SUMF2: variants seen among roughly 807,000 people sequenced by gnomAD.
SUMF2 encodes inactive C-alpha-formylglycine-generating enzyme 2.
In SUMF2, 45 loss-of-function variants were observed where a neutral mutation model predicts 44.8. The ratio of observed to expected loss-of-function variants is 1.00; its 90% CI spans 0.79 to 1.29. The LOEUF (loss-of-function observed/expected upper bound fraction) is 1.29, where lower values mean the gene tolerates loss of function less well. SUMF2 is among the 50% of genes most tolerant of loss of function. The probability of loss-of-function intolerance (pLI) is 0.00; values close to 1 mark genes in which losing one functional copy is unlikely to be tolerated. For missense variants in SUMF2, 418 were observed against 389.9 expected, an observed-to-expected ratio of 1.07 and a Z score of -0.61; for synonymous variants, 148 against 150.4, an observed-to-expected ratio of 0.98 and a Z score of 0.12.
At chr7:56,065,343 G>T (rs187895845) in intron 1 of SUMF2, among the ~76,000 whole-genome samples, 1 of 152,134 alleles carries the variant, frequency 6.6e-6, no homozygotes, top group Admixed American at 6.6e-5. Context: ...CCATTTGGAA[G>T]TGGGTCCAGA....
At chr7:56,074,287 C>G in intron 4 of SUMF2, 69 bp downstream of exon 4, 1 of 1,466,060 alleles carries the variant, frequency 6.8e-7, no homozygotes, top group East Asian at 2.3e-5. Context: ...CCAGCCTCCT[C>G]TCTACCCCTC....
Position 56,079,598 on chromosome 7 carries a change from C to T in SUMF2, c.892C>T (p.Pro298Ser). Residue 298 changes from proline (P) to serine (S), a missense_variant, in exon 9 of 9, where the codon CCA (proline) becomes TCA (serine). Coordinates refer to ENST00000434526, the MANE Select transcript of SUMF2 (RefSeq NM_015411.4). ...FRCAADAGRPPGEL is the reference protein window; with the variant it reads ...FRCAADAGRPSGEL ...CTGTGCTGCAGACGCAGGCCGGCCG[C>T]CAGGGGAGCTGTAAGCAGCCGGGTG... 1.2e-6 allele frequency: 2 copies of T among 1,614,202 alleles called. No individual in the cohort carries two copies. Among genetic ancestry groups the T allele is most frequent in the Non-Finnish European group, 1.7e-6 (2 of 1,180,034 alleles).
chr7:56,064,731 C>T (rs1794635441), intron 1 of SUMF2, among the ~76,000 whole-genome samples: 1 of 150,486 alleles, frequency 6.6e-6, no homozygotes, highest in African/African-American at 2.4e-5. Flanking sequence ...CAAAAAAACA[C>T]AACTATCCGG....
At chr7:56,078,043 G>A in intron 6 of SUMF2, 59 bp from the exon 7 acceptor site, 1 of 1,455,968 alleles carries the variant, frequency 6.9e-7, no homozygotes, top group Non-Finnish European at 9.5e-7. Flanking sequence ...CTCTGGATAG[G>A]CATGAGGACC....
At chr7:56,086,522 C>G in the SUMF2 span, among the ~76,000 whole-genome samples, 2 of 152,018 alleles carry the variant, frequency 1.3e-5, no homozygotes, top group African/African-American at 4.8e-5. Flanking sequence ...GAGTTTCGCT[C>G]TCGTAGCCCA....
At chr7:56,087,041 T>C in the SUMF2 span, 2 of 1,609,608 alleles carry the variant, frequency 1.2e-6, no homozygotes, top group Non-Finnish European at 1.7e-6. Context: ...TGGAAATGGC[T>C]AGCTTGTCTC....
At chr7:56,087,918 G>T in the SUMF2 span, 1 of 629,338 alleles carries the variant, frequency 1.6e-6, no homozygotes, top group Non-Finnish European at 2.7e-6. Context: ...GGAAATGGTG[G>T]ATGAATAAAT....
chr7:56,068,981 G>A (rs1174837273), intron 2 of SUMF2, among the ~76,000 whole-genome samples: 1 of 151,870 alleles, frequency 6.6e-6, no homozygotes, highest in Non-Finnish European at 1.5e-5. Context: ...CAAAGTGCTG[G>A]GATTACAGGC....
At chr7:56,078,317 G>A in intron 7 of SUMF2, 47 bp from the exon 8 acceptor site, 2 of 1,558,452 alleles carry the variant, frequency 1.3e-6, no homozygotes, top group South Asian at 1.2e-5. Flanking sequence ...GGTAGGCGGG[G>A]TGGTCGGCGG....
Position 56,068,698 on chromosome 7 carries a change from TTC to T in SUMF2, c.224+62_224+63del, listed in dbSNP as rs1247495065. ...CCTCTCTAATCTCATTCTTTTTTCT[TTC>T]TTTTTTTTTTTTTTGTTTTTTGAGA... On this transcript the variant is annotated intron_variant, in intron 2 of 8. Transcript: ENST00000434526. The T allele has an allele frequency of 5.1e-6, 8 of 1,554,738 alleles. No homozygotes were observed. In the Admixed American group the frequency reaches 1.3e-4, roughly 25 times the overall value.
In SUMF2 at chr7:56,079,784, C is replaced by CA. The variant is rs1290840603; in HGVS notation, c.*173dup. 6.4e-7 allele frequency: 1 copy of CA among 1,554,996 alleles called. No homozygotes were observed. The highest frequency in any genetic ancestry group is 2.4e-5 in the East Asian group (1 of 40,990). ...CCTCTCACCAGGGCAGGAGAGGACTCAGCCTCCTGTGTTTTGGAGAAGGGG... is the reference window on the plus strand; with the variant it reads ...CCTCTCACCAGGGCAGGAGAGGACTCAAGCCTCCTGTGTTTTGGAGAAGGGG... On this transcript the variant is annotated 3_prime_UTR_variant, in exon 9 of 9. Coordinates refer to ENST00000434526, the MANE Select transcript of SUMF2 (RefSeq NM_015411.4).
intron 2 of SUMF2, among the ~76,000 whole-genome samples, chr7:56,071,865 A>G (rs1795180481): frequency 6.6e-6 from 1 of 152,000 alleles, no homozygotes; most frequent in Non-Finnish European, 1.5e-5. Context: ...CAATCCCAGC[A>G]CTTTGGGAGG....
downstream of SUMF2, among the ~76,000 whole-genome samples, chr7:56,085,001 C>G (rs1796194251): frequency 6.6e-6 from 1 of 152,196 alleles, no homozygotes; most frequent in Admixed American, 6.5e-5. Flanking sequence ...TCCTCTGTTG[C>G]CCAGGCTGGA....
At chr7:56,078,574 C>T in intron 8 of SUMF2, 66 bp downstream of exon 8, 3 of 1,468,986 alleles carry the variant, frequency 2.0e-6, no homozygotes, top group Non-Finnish European at 2.7e-6. Context: ...AATCCCGGTC[C>T]CAGAGTGTCC....
chr7:56,064,332 G>T lies in SUMF2; in HGVS notation c.21G>T (p.Pro7=). 4 of 1,600,204 alleles carry T rather than the reference G, an allele frequency of 2.5e-6. No homozygotes were observed. The highest frequency in any genetic ancestry group is 3.4e-6 in the Non-Finnish European group (4 of 1,173,962). Residue 7 remains proline (P), a synonymous_variant, in exon 1 of 9, where the codon CCG becomes CCT. Coordinates refer to ENST00000434526, the MANE Select transcript of SUMF2 (RefSeq NM_015411.4). MARHGL[P]LLPLLSLLVG... Reference sequence around the variant, plus strand: ...TCCTGATGGCCCGGCATGGGTTACCGCTGCTGCCCCTGCTGTCGCTCCTGG... The same window carrying T: ...TCCTGATGGCCCGGCATGGGTTACCTCTGCTGCCCCTGCTGTCGCTCCTGG...
At chr7:56,081,034 C>T (rs1307617719), downstream of SUMF2, 1 of 1,611,192 alleles carries the variant, frequency 6.2e-7, no homozygotes. The surrounding 1 kb of genome is among the most constrained non-coding windows in gnomAD (Gnocchi z 4.6). Flanking sequence ...CCCCCTAGCC[C>T]TCCCTGACTG....
intron 2 of SUMF2, among the ~76,000 whole-genome samples, chr7:56,071,697 A>G (rs1795160249): frequency 6.6e-6 from 1 of 152,030 alleles, no homozygotes; most frequent in Non-Finnish European, 1.5e-5. Flanking sequence ...AGGCAAGATT[A>G]TCGCTTGAAC....
intron 2 of SUMF2, among the ~76,000 whole-genome samples, chr7:56,072,061 T>G (rs1426896145): frequency 6.7e-6 from 1 of 149,556 alleles, no homozygotes; most frequent in Non-Finnish European, 1.5e-5. Context: ...TGAGCTGAGA[T>G]TGCACCACTG....
chr7:56,083,175 A>C, downstream of SUMF2: 2 of 1,004,152 alleles, frequency 2.0e-6, no homozygotes, highest in Non-Finnish European at 2.9e-6. Context: ...TTTTTATTCC[A>C]GGGAACAATT....
Sources: gnomAD v4.1 joint callset for allele counts (sites outside exome capture counted in the v4.1 genomes callset) on GRCh38, gnomAD v4.1.1 for gene constraint, Gnocchi (gnomAD v3.1) non-coding constraint, MANE v1.5 for transcripts, NCBI Gene and HGNC (gene_info 2026-07-23, HGNC 2026-07-21) for gene names.